UNC5D: variants seen among roughly 807,000 people sequenced by gnomAD.
UNC5D encodes unc-5 netrin receptor D, also known as netrin receptor UNC5D.
UNC5D carries 39 observed loss-of-function variants against 105.4 expected under a neutral mutation model. The ratio of observed to expected loss-of-function variants is 0.37; its 90% CI spans 0.29 to 0.48. The LOEUF is 0.48. Ranked by LOEUF, UNC5D falls within the 20% of genes least tolerant of loss-of-function variation. The probability of loss-of-function intolerance (pLI) is 0.98; values close to 1 mark genes in which losing one functional copy is unlikely to be tolerated. For synonymous variants in UNC5D, 452 were observed against 450.4 expected (o/e 1.00, Z -0.04); for missense variants, 991 against 1,202.4 (o/e 0.82, Z 2.60).
chr8:35,740,739 C>G (rs994621728), intron 11 of UNC5D, among the ~76,000 whole-genome samples: 4 of 152,120 alleles, frequency 2.6e-5, no homozygotes, highest in African/African-American at 9.7e-5. Flanking sequence ...CTATCCCAAC[C>G]ATGAGTAACA....
chr8:35,572,074 C>T (rs2130802046), intron 3 of UNC5D, among the ~76,000 whole-genome samples: 1 of 152,038 alleles, frequency 6.6e-6, no homozygotes, highest in East Asian at 1.9e-4. Context: ...AATGCTCGAG[C>T]CTAGGAGTTC....
chr8:35,431,853 A>T (rs1806663735), intron 1 of UNC5D, among the ~76,000 whole-genome samples: 1 of 152,124 alleles, frequency 6.6e-6, no homozygotes, highest in Non-Finnish European at 1.5e-5. Flanking sequence ...ATGAATTCGG[A>T]TTTAACTCAA....
intron 1 of UNC5D, among the ~76,000 whole-genome samples, chr8:35,387,330 T>A (rs1281282119): frequency 7.4e-6 from 1 of 135,236 alleles, no homozygotes; most frequent in African/African-American, 2.9e-5. Flanking sequence ...GCCACTGCAC[T>A]CCAGCCTGGG....
intron 1 of UNC5D, among the ~76,000 whole-genome samples, chr8:35,497,722 G>A (rs1811694103): frequency 6.6e-6 from 1 of 151,836 alleles, no homozygotes. Flanking sequence ...ACATTTTAAT[G>A]GTTGTATAAA....
chr8:35,776,046 T>C (rs1802231875), intron 16 of UNC5D, among the ~76,000 whole-genome samples: 1 of 152,094 alleles, frequency 6.6e-6, no homozygotes, highest in South Asian at 2.1e-4. Context: ...ACCATGACTG[T>C]GTCAATTTCC....
At chr8:35,618,278 T>C (rs1455493396) in intron 4 of UNC5D, among the ~76,000 whole-genome samples, 1 of 152,206 alleles carries the variant, frequency 6.6e-6, no homozygotes, top group Non-Finnish European at 1.5e-5. Context: ...GTAGTTACAG[T>C]AACGGGATAT....
chr8:35,462,019 C>A (rs1391687253), intron 1 of UNC5D, among the ~76,000 whole-genome samples: 1 of 152,142 alleles, frequency 6.6e-6, no homozygotes, highest in Non-Finnish European at 1.5e-5. Context: ...TTCATGGTAT[C>A]TGTGAGCTTT....
At chr8:35,256,274 G>T (rs1804067802) in intron 1 of UNC5D, 2 of 152,152 alleles carry the variant, frequency 1.3e-5, no homozygotes, top group South Asian at 2.1e-4. Context: ...GGATGAATAG[G>T]TACCAACTAC....
chr8:35,319,996 G>T (rs1437599914), intron 1 of UNC5D, among the ~76,000 whole-genome samples: 2 of 152,052 alleles, frequency 1.3e-5, no homozygotes, highest in African/African-American at 4.8e-5. Context: ...GACAAAAAGA[G>T]TCAAATTCTG....
chr8:35,239,349 T>C (rs1409371984), intron 1 of UNC5D, among the ~76,000 whole-genome samples: 1 of 152,138 alleles, frequency 6.6e-6, no homozygotes, highest in Non-Finnish European at 1.5e-5. Context: ...GGAAATCACT[T>C]TTCTGTTTAT....
At chr8:35,433,858 A>G (rs892016956) in intron 1 of UNC5D, among the ~76,000 whole-genome samples, 1 of 151,486 alleles carries the variant, frequency 6.6e-6, no homozygotes, top group Non-Finnish European at 1.5e-5. Context: ...AAAAAAAAAA[A>G]AAAGAAAGAA....
chr8:35,575,198 C>G (rs1341856339), intron 3 of UNC5D, among the ~76,000 whole-genome samples: 3 of 151,954 alleles, frequency 2.0e-5, no homozygotes. Flanking sequence ...CTAGTTAGAT[C>G]GTAAACTGCT....
intron 1 of UNC5D, among the ~76,000 whole-genome samples, chr8:35,364,051 G>A (rs377108841): frequency 6.6e-6 from 1 of 152,094 alleles, no homozygotes; most frequent in East Asian, 1.9e-4. Context: ...AGGCGTCTCA[G>A]GCCTCCAAGT....
Position 35,796,195 on chromosome 8 carries a change from A to G in UNC5D, c.*5632A>G, listed in dbSNP as rs1473245743. On this transcript the variant is annotated 3_prime_UTR_variant, in exon 17 of 17. Transcript: ENST00000404895. ...GAGCAAGCCAGAGGAGAGAGGTTGA[A>G]TGAAGCATAGCCTTGGCTTCATACC... is the stretch of plus-strand genomic sequence containing the variant. The G allele has an allele frequency of 6.6e-6, 1 of 152,156 alleles. No individual in the cohort carries two copies. The highest frequency in any genetic ancestry group is 1.5e-5 in the Non-Finnish European group (1 of 68,032). 9.4% of individuals were successfully genotyped at this position (152,156 alleles called of 1,614,324 possible).
intron 1 of UNC5D, among the ~76,000 whole-genome samples, chr8:35,397,504 C>T (rs1022263998): frequency 1.3e-5 from 2 of 152,190 alleles, no homozygotes; most frequent in Non-Finnish European, 2.9e-5. Flanking sequence ...ACCTTCTCAA[C>T]TTGCTTGCCG....
intron 1 of UNC5D, among the ~76,000 whole-genome samples, chr8:35,535,303 A>C (rs953086265): frequency 6.6e-6 from 1 of 152,086 alleles, no homozygotes; most frequent in Non-Finnish European, 1.5e-5. Context: ...TTACTCTATT[A>C]CAGTGCTCTT....
intron 1 of UNC5D, among the ~76,000 whole-genome samples, chr8:35,274,354 C>T (rs750204948): frequency 5.9e-5 from 9 of 152,148 alleles, no homozygotes; most frequent in African/African-American, 1.2e-4. Context: ...TTCAGCATAG[C>T]GGCACTCGTG....
At chr8:35,517,976 C>T (rs1363228231) in intron 1 of UNC5D, among the ~76,000 whole-genome samples, 1 of 152,140 alleles carries the variant, frequency 6.6e-6, no homozygotes, top group Non-Finnish European at 1.5e-5. Flanking sequence ...AGGCAGAGCA[C>T]TTCCCGGAGG....
intron 1 of UNC5D, among the ~76,000 whole-genome samples, chr8:35,361,126 G>C (rs1014610208): frequency 3.3e-5 from 5 of 152,110 alleles, no homozygotes; most frequent in African/African-American, 1.2e-4. Context: ...GGGAGTTTCA[G>C]GGTGGTTGCA....
Sources: allele counts gnomAD v4.1 joint callset (sites outside exome capture counted in the v4.1 genomes callset), GRCh38; gene constraint gnomAD v4.1.1; transcripts MANE v1.5; gene names NCBI Gene and HGNC (gene_info 2026-07-23, HGNC 2026-07-21).